EYS: variants seen among roughly 807,000 people sequenced by gnomAD.
EYS encodes the protein protein eyes shut homolog.
In EYS, 250 loss-of-function variants were observed where a neutral mutation model predicts 282.1. The observed-to-expected ratio is 0.89, with a 90% CI of 0.80 to 0.98. The LOEUF is 0.98. EYS is among the 50% of genes least tolerant of loss of function. EYS has a pLI of 0.00. For synonymous variants in EYS, 1,355 were observed against 1,282.9 expected, an observed-to-expected ratio of 1.06 and a Z score of -1.20; for missense variants, 4,016 against 3,709.0, an observed-to-expected ratio of 1.08 and a Z score of -2.15.
intron 22 of EYS, among the ~76,000 whole-genome samples, chr6:64,808,555 T>C (rs1170491602): frequency 2.6e-5 from 4 of 151,444 alleles, no homozygotes; most frequent in Non-Finnish European, 4.4e-5. Flanking sequence ...TCTCTAAATG[T>C]GCCTGAGAAC....
chr6:65,428,748 A>AT (rs999244824), intron 5 of EYS, among the ~76,000 whole-genome samples: 9 of 152,170 alleles, frequency 5.9e-5, no homozygotes, highest in Admixed American at 3.9e-4. Context: ...TCACTGAGGA[A>AT]TTTTTTTTAA....
chr6:65,015,804 G>T (rs1235571454), intron 13 of EYS, among the ~76,000 whole-genome samples: 3 of 147,098 alleles, frequency 2.0e-5, no homozygotes, highest in Non-Finnish European at 4.5e-5. Flanking sequence ...GGAGGCGGAG[G>T]TCGATGGATC....
intron 22 of EYS, among the ~76,000 whole-genome samples, chr6:64,731,776 A>G (rs1024647852): frequency 1.3e-5 from 2 of 152,232 alleles, no homozygotes; most frequent in Admixed American, 6.5e-5. Flanking sequence ...ATCTAGAACC[A>G]GAAATACCAT....
At chr6:63,737,519 T>C (rs1281364276) in intron 41 of EYS, among the ~76,000 whole-genome samples, 1 of 152,220 alleles carries the variant, frequency 6.6e-6, no homozygotes, top group African/African-American at 2.4e-5. Context: ...TTTGCATCAA[T>C]GTTCGTCAAG....
In EYS at chr6:64,836,942, T is replaced by C. The variant is rs182101929; in HGVS notation, c.2993-14120A>G. Among the ~76,000 whole-genome samples, 26 of 151,776 alleles carry C rather than the reference T, an allele frequency of 1.7e-4. No homozygotes were observed. In the East Asian group the frequency reaches 4.7e-3, roughly 27 times the overall value. ...AACTAGAGACACATTAATTATAGTA[T>C]AGCCTCATGATGAAAAGTTTGACAG... On this transcript the variant is annotated intron_variant, in intron 19 of 42. Coordinates refer to ENST00000503581, the MANE Select transcript of EYS (RefSeq NM_001142800.2).
chr6:64,765,202 T>C (rs113385035), intron 22 of EYS, among the ~76,000 whole-genome samples: 3,128 of 152,282 alleles, frequency 0.021, 108 homozygotes, highest in African/African-American at 0.071. Context: ...TCCACAGATC[T>C]CTAAGGCAGG....
At chr6:64,515,945 T>C (rs1478788113) in intron 26 of EYS, among the ~76,000 whole-genome samples, 2 of 151,804 alleles carry the variant, frequency 1.3e-5, no homozygotes, top group East Asian at 3.9e-4. Flanking sequence ...TATAATTTTA[T>C]TGTATATTAA....
At chr6:64,400,033 A>AT (rs1163669382) in intron 28 of EYS, among the ~76,000 whole-genome samples, 1 of 151,954 alleles carries the variant, frequency 6.6e-6, no homozygotes, top group Non-Finnish European at 1.5e-5. Context: ...AATTGCTATG[A>AT]TTTTTGAAAT....
chr6:64,883,347 G>T (rs1766982502), intron 19 of EYS, among the ~76,000 whole-genome samples: 1 of 151,314 alleles, frequency 6.6e-6, no homozygotes, highest in Non-Finnish European at 1.5e-5. Flanking sequence ...CTGAACTATT[G>T]AATTGTATAT....
intron 12 of EYS, among the ~76,000 whole-genome samples, chr6:65,185,021 G>C (rs1409653763): frequency 1.4e-5 from 2 of 145,816 alleles, no homozygotes; most frequent in African/African-American, 5.3e-5. Context: ...CATACATATT[G>C]TATGTAAAAA....
intron 11 of EYS, among the ~76,000 whole-genome samples, chr6:65,301,447 T>G (rs563991876): frequency 1.3e-5 from 2 of 152,360 alleles, no homozygotes; most frequent in Admixed American, 1.3e-4. Flanking sequence ...GAGCGCAGCC[T>G]GTAGCCGGGC....
chr6:65,514,202 G>C (rs201619126), intron 2 of EYS, among the ~76,000 whole-genome samples: 31,689 of 151,636 alleles, frequency 0.21, 3,446 homozygotes, highest in East Asian at 0.3. Context: ...GCTTCAAAGA[G>C]AATAAAATAC....
chr6:64,627,956 T>C (rs1767662707), intron 22 of EYS, among the ~76,000 whole-genome samples: 1 of 152,144 alleles, frequency 6.6e-6, no homozygotes, highest in Non-Finnish European at 1.5e-5. Flanking sequence ...GGCGGGCTTC[T>C]GTAGTCCCAG....
intron 34 of EYS, among the ~76,000 whole-genome samples, chr6:63,996,514 A>G (rs1224057398): frequency 6.6e-6 from 1 of 152,154 alleles, no homozygotes; most frequent in Non-Finnish European, 1.5e-5. Context: ...CGTTCAGCAC[A>G]TGTATCCCAG....
chr6:65,178,554 C>A (rs1245841607), intron 12 of EYS, among the ~76,000 whole-genome samples: 5 of 152,002 alleles, frequency 3.3e-5, no homozygotes, highest in African/African-American at 1.2e-4. Context: ...CACCCAGATT[C>A]ATAAAGCAAG....
chr6:65,401,220 C>T (rs1319916441), intron 7 of EYS, among the ~76,000 whole-genome samples: 1 of 148,736 alleles, frequency 6.7e-6, no homozygotes, highest in African/African-American at 2.5e-5. Context: ...ATTATATTCA[C>T]TGATATTCTT....
At chr6:65,607,986 A>G (rs1204266382) in intron 2 of EYS, among the ~76,000 whole-genome samples, 1 of 152,066 alleles carries the variant, frequency 6.6e-6, no homozygotes, top group Non-Finnish European at 1.5e-5. Context: ...ATCTTGCTAA[A>G]GAATAAGAAT....
rs533897293 is a variant in EYS at position 64,578,599 on chromosome 6, G to T, written c.5644+11624C>A. The stretch of plus-strand genomic sequence containing the variant: ...TCACATTCTCTTTCTCTCTCTCTTT[G>T]TGTGTGTGTGTGTGTGTGTGTGGTG... On this transcript the variant is annotated intron_variant, in intron 26 of 42. Coordinates refer to ENST00000503581, the MANE Select transcript of EYS (RefSeq NM_001142800.2). Among the ~76,000 whole-genome samples, 957 of 115,162 alleles carry T rather than the reference G, an allele frequency of 8.3e-3. 13 individuals are homozygous for T. The highest frequency in any genetic ancestry group is 7.2e-3 in the Non-Finnish European group (363 of 50,134). 75.6% of individuals were successfully genotyped at this position (115,162 alleles called of 152,430 possible).
chr6:64,610,713 A>G (rs1767087785), intron 24 of EYS, among the ~76,000 whole-genome samples: 1 of 152,204 alleles, frequency 6.6e-6, no homozygotes, highest in Admixed American at 6.5e-5. Flanking sequence ...AAGTTGTAAG[A>G]CATTTAGATT....
Sources: gnomAD v4.1 joint callset for allele counts (sites outside exome capture counted in the v4.1 genomes callset) on GRCh38, gnomAD v4.1.1 for gene constraint, MANE v1.5 for transcripts, NCBI Gene and HGNC (gene_info 2026-07-23, HGNC 2026-07-21) for gene names.